CSGALNACT2: variants seen among roughly 807,000 people sequenced by gnomAD.
CSGALNACT2 encodes the protein beta 4 GalNAcT-2.
A neutral mutation model predicts 55.3 loss-of-function variants in CSGALNACT2; 35 were observed. That is an observed-to-expected ratio of 0.63 (90% CI 0.48 to 0.84). CSGALNACT2 has a LOEUF of 0.84. CSGALNACT2 is among the 40% of genes least tolerant of loss of function. CSGALNACT2 has a pLI of 0.00. For missense variants in CSGALNACT2, 544 were observed against 657.5 expected, an observed-to-expected ratio of 0.83 and a Z score of 1.89; for synonymous variants, 196 against 224.9, an observed-to-expected ratio of 0.87 and a Z score of 1.15.
At position 43,155,389 on chromosome 10, in the gene CSGALNACT2, C is replaced by T; in HGVS notation, c.240C>T (p.Ala80=). Reference sequence around the variant, plus strand: ...CAACCAGTCTGAAACGCCAAATTGCCCAACTAAAACAAGAATTACAAGAAA... The same window carrying T: ...CAACCAGTCTGAAACGCCAAATTGCTCAACTAAAACAAGAATTACAAGAAA... ...TRATSLKRQI[A]QLKQELQEMS... Residue 80 remains alanine (A), a synonymous_variant, in exon 2 of 8, where the codon GCC becomes GCT. Transcript: ENST00000374466. 1 of 1,614,008 alleles carries T rather than the reference C, an allele frequency of 6.2e-7. No individual in the cohort carries two copies. Among genetic ancestry groups the T allele is most frequent in the Non-Finnish European group, 8.5e-7 (1 of 1,180,016 alleles).
At chr10:43,166,641 G>A (rs1274544548) in intron 5 of CSGALNACT2, among the ~76,000 whole-genome samples, 2 of 152,214 alleles carry the variant, frequency 1.3e-5, no homozygotes, top group South Asian at 2.1e-4. Flanking sequence ...TTTAACAGAC[G>A]TTTCTAAGTT....
At chr10:43,180,362 T>G (rs1488398757) in intron 7 of CSGALNACT2, among the ~76,000 whole-genome samples, 7 of 152,226 alleles carry the variant, frequency 4.6e-5, no homozygotes, top group Non-Finnish European at 1.5e-5. Context: ...ATCCTCAAGC[T>G]CAGAGATTGT....
intron 1 of CSGALNACT2, among the ~76,000 whole-genome samples, chr10:43,142,153 T>A (rs892675506): frequency 6.6e-6 from 1 of 152,238 alleles, no homozygotes; most frequent in African/African-American, 2.4e-5. Flanking sequence ...GCCTGTGATC[T>A]AAGACTGGCT....
Position 43,182,322 on chromosome 10 carries a change from T to C in CSGALNACT2, c.1337-928T>C, listed in dbSNP as rs920564986. Among the ~76,000 whole-genome samples the C allele has an allele frequency of 2.6e-5, 4 of 152,146 alleles. No homozygotes were observed. In the East Asian group the frequency reaches 5.8e-4, roughly 22 times the overall value. ...TACTACAATGGCACCTTTTCCAGAA[T>C]TTTCTCCCTCACCTGGGGCCACTTC... On this transcript the variant is annotated intron_variant, in intron 7 of 7. Coordinates refer to ENST00000374466, the MANE Select transcript of CSGALNACT2 (RefSeq NM_018590.5).
At chr10:43,139,638 TC>T (rs1185233852) in intron 1 of CSGALNACT2, among the ~76,000 whole-genome samples, 1 of 152,250 alleles carries the variant, frequency 6.6e-6, no homozygotes, top group Non-Finnish European at 1.5e-5. Context: ...CATCCTATTT[TC>T]CTGTGCTTCT....
At chr10:43,170,730 A>C (rs925652546) in intron 6 of CSGALNACT2, among the ~76,000 whole-genome samples, 9 of 152,244 alleles carry the variant, frequency 5.9e-5, no homozygotes, top group Admixed American at 5.2e-4. Flanking sequence ...TATGGAAAGA[A>C]AAAACAAACT....
intron 1 of CSGALNACT2, among the ~76,000 whole-genome samples, chr10:43,149,944 GT>G (rs927943834): frequency 3.3e-5 from 5 of 152,126 alleles, no homozygotes; most frequent in African/African-American, 1.2e-4. Flanking sequence ...GTGCATGCCT[GT>G]AATCCTAGCT....
At chr10:43,168,463 CA>C (rs773473610) in intron 6 of CSGALNACT2, among the ~76,000 whole-genome samples, 6 of 150,484 alleles carry the variant, frequency 4.0e-5, no homozygotes, top group African/African-American at 7.3e-5. Context: ...AAAAACAAAA[CA>C]AAAAAAAGGT....
In CSGALNACT2 at chr10:43,183,253, G is replaced by A; in HGVS notation, c.1340G>A (p.Gly447Glu). Reference protein sequence around the residue: ...QYRSDFLTIGGFDMEVKGWGG... With the variant: ...QYRSDFLTIGEFDMEVKGWGG... Reference sequence around the variant, plus strand: ...AGTGTCAATTTTGATCTTACAGGTGGATTTGACATGGAAGTGAAAGGTTGG... The same window carrying A: ...AGTGTCAATTTTGATCTTACAGGTGAATTTGACATGGAAGTGAAAGGTTGG... Residue 447 changes from glycine to glutamate, a missense_variant, in exon 8 of 8, where the codon GGA becomes GAA. Gly to Glu is a moderately conservative substitution (Grantham distance 98, BLOSUM62 -2). Coordinates refer to ENST00000374466, the MANE Select transcript of CSGALNACT2 (RefSeq NM_018590.5). 1 of 1,611,358 alleles carries A rather than the reference G, an allele frequency of 6.2e-7. No individual in the cohort carries two copies. The highest frequency in any genetic ancestry group is 8.5e-7 in the Non-Finnish European group (1 of 1,177,528).
intron 1 of CSGALNACT2, among the ~76,000 whole-genome samples, chr10:43,149,642 A>G (rs115840524): frequency 0.013 from 1,970 of 152,270 alleles, 46 homozygotes; most frequent in African/African-American, 0.045. Context: ...CATATAGGAT[A>G]TTGGCCTATG....
rs138640034 is a variant in CSGALNACT2 at position 43,157,253 on chromosome 10, A to G, written c.661+1443A>G. On this transcript the variant is annotated intron_variant, in intron 2 of 7. Coordinates refer to ENST00000374466, the MANE Select transcript of CSGALNACT2 (RefSeq NM_018590.5). ...AAATGTCCTCACATCAGCTCTACCTAAAAAGAAAGGGAGCTGTGCCAGTTT... is the reference window on the plus strand; with the variant it reads ...AAATGTCCTCACATCAGCTCTACCTGAAAAGAAAGGGAGCTGTGCCAGTTT... 7.9e-4 allele frequency among the ~76,000 whole-genome samples: 121 copies of G among 152,300 alleles called. 1 individual carries two copies. In the East Asian group the frequency reaches 0.018, roughly 22 times the overall value.
At chr10:43,147,197 G>A (rs1413171103) in intron 1 of CSGALNACT2, among the ~76,000 whole-genome samples, 1 of 151,438 alleles carries the variant, frequency 6.6e-6, no homozygotes, top group Non-Finnish European at 1.5e-5. Context: ...GGATGGTCTC[G>A]ATCTCCTGAC....
intron 4 of CSGALNACT2, among the ~76,000 whole-genome samples, chr10:43,160,944 G>A (rs1027753852): frequency 1.3e-5 from 2 of 151,754 alleles, no homozygotes; most frequent in African/African-American, 4.8e-5. Flanking sequence ...CATTTCCTCA[G>A]GCTCCTTCTT....
intron 2 of CSGALNACT2, 30 bp from the exon 3 acceptor site, chr10:43,158,685 G>A (rs1839072760): frequency 5.5e-6 from 7 of 1,273,658 alleles, no homozygotes; most frequent in Non-Finnish European, 6.8e-6. Flanking sequence ...TTGACATGGA[G>A]ACGTCTTTGT....
At chr10:43,182,452 C>G (rs1223723431) in intron 7 of CSGALNACT2, among the ~76,000 whole-genome samples, 1 of 152,158 alleles carries the variant, frequency 6.6e-6, no homozygotes, top group Non-Finnish European at 1.5e-5. Context: ...CAAATTCCTT[C>G]AGTAATTTCA....
chr10:43,173,441 A>G (rs1313153705), intron 6 of CSGALNACT2, among the ~76,000 whole-genome samples: 1 of 152,222 alleles, frequency 6.6e-6, no homozygotes, highest in Non-Finnish European at 1.5e-5. Flanking sequence ...GCCAGATAAA[A>G]CAGTGCAAGA....
chr10:43,162,614 A>G, intron 4 of CSGALNACT2: 2 of 985,416 alleles, frequency 2.0e-6, no homozygotes, highest in Non-Finnish European at 2.4e-6. Flanking sequence ...CCTTTGTTCC[A>G]TCTCTCCATT....
rs768557337 is a variant in CSGALNACT2 at position 43,155,351 on chromosome 10, T to C, written c.202T>C (p.Tyr68His). The change falls in exon 2 of 8, where the codon TAT (tyrosine) becomes CAT (histidine). Residue 68 changes from tyrosine (Y) to histidine (H), a missense_variant. Tyr to His is a moderately conservative substitution (Grantham distance 83). Coordinates refer to ENST00000374466, the MANE Select transcript of CSGALNACT2 (RefSeq NM_018590.5). ...QALLQEQEEH[Y>H]QTRATSLKRQ... ...CCTCCTACAGGAACAAGAAGAACAT[T>C]ATCAGACCAGGGCAACCAGTCTGAA... 1.9e-6 allele frequency: 3 copies of C among 1,614,080 alleles called. No homozygotes were observed. Among genetic ancestry groups the C allele is most frequent in the Non-Finnish European group, 2.5e-6 (3 of 1,180,030 alleles).
chr10:43,177,849 C>T (rs1018422869), intron 7 of CSGALNACT2, among the ~76,000 whole-genome samples: 2 of 152,178 alleles, frequency 1.3e-5, no homozygotes, highest in Admixed American at 6.5e-5. Flanking sequence ...ACACCGTTTT[C>T]CAAAGTGGCT....
Sources: allele counts gnomAD v4.1 joint callset (sites outside exome capture counted in the v4.1 genomes callset), GRCh38; gene constraint gnomAD v4.1.1; transcripts MANE v1.5; gene names NCBI Gene and HGNC (gene_info 2026-07-23, HGNC 2026-07-21).